The following RCN2 variants were observed in gnomAD, a reference collection of about 807,000 sequenced individuals.
The protein encoded by RCN2 is reticulocalbin 2.
A neutral mutation model predicts 37.5 loss-of-function variants in RCN2; 23 were observed. The ratio of observed to expected loss-of-function variants is 0.61; its 90% CI spans 0.44 to 0.87. RCN2 has a LOEUF of 0.87. RCN2 is among the 40% of genes least tolerant of loss of function. RCN2 has a pLI of 0.00. For missense variants in RCN2, 381 were observed against 390.4 expected, an observed-to-expected ratio of 0.98 and a Z score of 0.20; for synonymous variants, 140 against 144.6, an observed-to-expected ratio of 0.97 and a Z score of 0.23.
intron 5 of RCN2, 166 bp from the exon 6 acceptor site, chr15:76,948,244 A>G (rs2075304231): frequency 2.3e-6 from 1 of 443,680 alleles, no homozygotes; most frequent in Non-Finnish European, 3.9e-6. Context: ...GAAAATGACT[A>G]TATATTTGTT....
At chr15:76,936,909 G>A (rs904608459) in intron 3 of RCN2, among the ~76,000 whole-genome samples, 19 of 152,124 alleles carry the variant, frequency 1.2e-4, no homozygotes, top group African/African-American at 4.6e-4. Flanking sequence ...ACAGAGTGGA[G>A]ACTCTCTACC....
chr15:76,944,829 C>T (rs544534506), intron 4 of RCN2, among the ~76,000 whole-genome samples: 1 of 152,186 alleles, frequency 6.6e-6, no homozygotes, highest in South Asian at 2.1e-4. Context: ...AACAGTGCTA[C>T]AACAAACATG....
Position 76,951,186 on chromosome 15 carries a change from G to A in RCN2, c.*1964G>A, listed in dbSNP as rs922231414. The A allele has an allele frequency of 6.6e-5, 10 of 152,250 alleles. No individual in the cohort carries two copies. Among genetic ancestry groups the A allele is most frequent in the African/African-American group, 2.4e-4 (10 of 41,472 alleles). The allele number at this position is 152,250 out of a possible 1,614,324, so 9.4% of individuals were successfully genotyped here. A position where few individuals can be genotyped will look rare whatever the true frequency, so the allele number is the denominator to read the frequency against. ...TTTCAATCCTTTGCAGAAATGCAAT[G>A]TCTGTACTACTTTCCTTCCTAGCAT... On this transcript the variant is annotated 3_prime_UTR_variant, in exon 7 of 7. Transcript: ENST00000394885.
intron 3 of RCN2, among the ~76,000 whole-genome samples, chr15:76,941,201 T>A (rs1226382818): frequency 1.3e-5 from 2 of 151,954 alleles, no homozygotes; most frequent in Non-Finnish European, 2.9e-5. Context: ...GCCCAGCTAA[T>A]TTTTTAGTAG....
At chr15:76,936,847 T>C (rs2075252015) in intron 3 of RCN2, among the ~76,000 whole-genome samples, 1 of 152,166 alleles carries the variant, frequency 6.6e-6, no homozygotes, top group East Asian at 1.9e-4. Context: ...TTGAGTAATA[T>C]TAAGTACATT....
At position 76,953,981 on chromosome 15, in the gene RCN2, C is replaced by T. The variant is rs1413493849; in HGVS notation, c.*4759C>T. Reference sequence around the variant, plus strand: ...GCAGCTGTGCCATTTTGCATTTCCACCAATAGTGCACAAGAGTTCCAGTTT... The same window carrying T: ...GCAGCTGTGCCATTTTGCATTTCCATCAATAGTGCACAAGAGTTCCAGTTT... On this transcript the variant is annotated 3_prime_UTR_variant, in exon 7 of 7. Coordinates refer to ENST00000394885, the MANE Select transcript of RCN2 (RefSeq NM_002902.3). 6.6e-6 allele frequency: 1 copy of T among 151,378 alleles called. No individual in the cohort carries two copies. The highest frequency in any genetic ancestry group is 1.9e-4 in the East Asian group (1 of 5,162). 9.4% of individuals were successfully genotyped at this position (151,378 alleles called of 1,614,324 possible).
At position 76,953,866 on chromosome 15, in the gene RCN2, C is replaced by G. The variant is rs2152652994; in HGVS notation, c.*4644C>G. 6.6e-6 allele frequency: 1 copy of G among 151,152 alleles called. No homozygotes were observed. The highest frequency in any genetic ancestry group is 1.9e-4 in the East Asian group (1 of 5,136). The allele number at this position is 151,152 out of a possible 1,614,324, so 9.4% of individuals were successfully genotyped here. ...TCGTGATCCGCCCGCCTTGGCCTCC[C>G]AAAGTGCTGGGATTACAGGCGTGAG... is the stretch of plus-strand genomic sequence containing the variant. On this transcript the variant is annotated 3_prime_UTR_variant, in exon 7 of 7. Transcript: ENST00000394885.
At chr15:76,943,058 C>T (rs2075282186) in intron 3 of RCN2, 1 of 152,082 alleles carries the variant, frequency 6.6e-6, no homozygotes, top group African/African-American at 2.4e-5. Context: ...TGAAAAGTCA[C>T]TTAGAGGACC....
intron 2 of RCN2, among the ~76,000 whole-genome samples, chr15:76,934,225 C>A (rs1679564222): frequency 6.6e-6 from 1 of 152,016 alleles, no homozygotes; most frequent in Non-Finnish European, 1.5e-5. Flanking sequence ...CTCACTACAG[C>A]CTCTGCCACC....
chr15:76,943,983 ACT>A (rs2075285715), intron 4 of RCN2, 112 bp downstream of exon 4: 11 of 245,400 alleles, frequency 4.5e-5, no homozygotes, highest in South Asian at 3.0e-4. Flanking sequence ...GATACATGAG[ACT>A]TTTTTTTTTT....
chr15:76,935,737 A>G lies in RCN2; in HGVS notation c.447+15A>G. 6.3e-7 allele frequency: 1 copy of G among 1,595,704 alleles called. No homozygotes were observed. The highest frequency in any genetic ancestry group is 8.6e-7 in the Non-Finnish European group (1 of 1,168,642). ...CCTTTAGGAAGGTGAGTTCATGTGC[A>G]CAAGCTGTTTCTTTTGATCATGTCA... On this transcript the variant is annotated intron_variant, in intron 3 of 6. Coordinates refer to ENST00000394885, the MANE Select transcript of RCN2 (RefSeq NM_002902.3).
Position 76,948,559 on chromosome 15 carries a change from G to A in RCN2, c.801+7G>A. 1 of 1,546,040 alleles carries A rather than the reference G, an allele frequency of 6.5e-7. No homozygotes were observed. Among genetic ancestry groups the A allele is most frequent in the African/African-American group, 1.4e-5 (1 of 73,210 alleles). Reference sequence around the variant, plus strand: ...GGGCATTGCACAAGAGGAGGTAAGTGTTACAGAACAACTGTTTCTCTCCAC... The same window carrying A: ...GGGCATTGCACAAGAGGAGGTAAGTATTACAGAACAACTGTTTCTCTCCAC... On this transcript the variant is annotated splice_region_variant and intron_variant, in intron 6 of 6. Transcript: ENST00000394885.
Position 76,944,495 on chromosome 15 carries a change from C to T in RCN2, c.561+624C>T, listed in dbSNP as rs192534470. The stretch of plus-strand genomic sequence containing the variant: ...TCATTCTTACTGTTTTTTTTGTACT[C>T]ATTAACTGTTCTCAGCGCCCCCTCC... On this transcript the variant is annotated intron_variant, in intron 4 of 6. Transcript: ENST00000394885. Among the ~76,000 whole-genome samples, 6 of 152,104 alleles carry T rather than the reference C, an allele frequency of 3.9e-5. No individual in the cohort carries two copies. In the East Asian group the frequency reaches 1.2e-3, roughly 29 times the overall value.
intron 3 of RCN2, chr15:76,941,781 T>A (rs1386248720): frequency 7.8e-6 from 5 of 643,976 alleles, no homozygotes; most frequent in African/African-American, 7.5e-5. Flanking sequence ...TTTAAAGAAA[T>A]CTCAGCTTGT....
Position 76,931,840 on chromosome 15 carries a change from C to T in RCN2, c.-2C>T. On this transcript the variant is annotated 5_prime_UTR_variant, in exon 1 of 7. Coordinates refer to ENST00000394885, the MANE Select transcript of RCN2 (RefSeq NM_002902.3). ...CCTCGGTGTCCTCCGCGGGCCGGCG[C>T]GATGCGGCTGGGCCCGAGGACCGCG... The T allele has an allele frequency of 5.7e-6, 7 of 1,231,704 alleles. No homozygotes were observed. The highest frequency in any genetic ancestry group is 7.1e-6 in the Non-Finnish European group (7 of 990,262). 76.3% of individuals were successfully genotyped at this position (1,231,704 alleles called of 1,614,324 possible).
chr15:76,935,407 C>A, intron 2 of RCN2, 119 bp from the exon 3 acceptor site: 1 of 698,126 alleles, frequency 1.4e-6, no homozygotes, highest in Non-Finnish European at 2.4e-6. Context: ...TACAACTAGG[C>A]CAATTCTCAG....
intron 3 of RCN2, among the ~76,000 whole-genome samples, chr15:76,939,432 G>T (rs2075268319): frequency 6.6e-6 from 1 of 152,018 alleles, no homozygotes; most frequent in Admixed American, 6.5e-5. Flanking sequence ...AAAACTTTAT[G>T]CATTTGTTAA....
intron 2 of RCN2, among the ~76,000 whole-genome samples, chr15:76,933,912 G>C (rs1232128697): frequency 6.6e-6 from 1 of 152,144 alleles, no homozygotes; most frequent in Non-Finnish European, 1.5e-5. Context: ...AGCCAGACAG[G>C]TTTGAATCTG....
At position 76,949,284 on chromosome 15, in the gene RCN2, T is replaced by C; in HGVS notation, c.*62T>C. On this transcript the variant is annotated 3_prime_UTR_variant, in exon 7 of 7. Coordinates refer to ENST00000394885, the MANE Select transcript of RCN2 (RefSeq NM_002902.3). ...TATAATTTGTTACCAGCTTTACTTTTGTGATAAAATATTGATGTTGTATTT... is the reference window on the plus strand; with the variant it reads ...TATAATTTGTTACCAGCTTTACTTTCGTGATAAAATATTGATGTTGTATTT... 8.6e-7 allele frequency: 1 copy of C among 1,160,586 alleles called. No homozygotes were observed. Among genetic ancestry groups the C allele is most frequent in the Non-Finnish European group, 1.2e-6 (1 of 851,926 alleles). 71.9% of individuals were successfully genotyped at this position (1,160,586 alleles called of 1,614,324 possible).
Sources: allele counts gnomAD v4.1 joint callset (sites outside exome capture counted in the v4.1 genomes callset), GRCh38; gene constraint gnomAD v4.1.1; transcripts MANE v1.5; gene names NCBI Gene and HGNC (gene_info 2026-07-23, HGNC 2026-07-21).